Variants in POU2AF2 observed in about 807,000 individuals in gnomAD.
The protein encoded by POU2AF2 is POU domain class 2-associating factor 2.
the POU2AF2 span, among the ~76,000 whole-genome samples, chr11:111,269,996 T>C: frequency 2.0e-5 from 3 of 152,230 alleles, no homozygotes; most frequent in East Asian, 1.9e-4. Context: ...TGACCTAAAG[T>C]CTATTTATTA....
the POU2AF2 span, chr11:111,286,027 G>A: frequency 5.0e-6 from 8 of 1,613,500 alleles, no homozygotes; most frequent in African/African-American, 1.3e-5. Flanking sequence ...TTGCCTGGGG[G>A]TCATATGAAT....
chr11:111,278,150 A>T, the POU2AF2 span, among the ~76,000 whole-genome samples: 73 of 152,326 alleles, frequency 4.8e-4, no homozygotes, highest in Non-Finnish European at 8.4e-4. Context: ...TAGTAATAAT[A>T]GCTAAGGCAC....
the POU2AF2 span, among the ~76,000 whole-genome samples, chr11:111,258,920 G>A: frequency 1.3e-5 from 2 of 152,222 alleles, no homozygotes; most frequent in Non-Finnish European, 2.9e-5. Context: ...TTGACCCAGT[G>A]ACAGTGGGTC....
chr11:111,264,552 GAAAGAAAGAAA>G, the POU2AF2 span, among the ~76,000 whole-genome samples: 1 of 64,608 alleles, frequency 1.5e-5, no homozygotes, highest in Non-Finnish European at 3.1e-5. Context: ...AAGAAAGAAA[GAAAGAAAGAAA>G]GAAAGAAAGA....
chr11:111,285,992 C>T, the POU2AF2 span: 1 of 1,614,018 alleles, frequency 6.2e-7, no homozygotes, highest in Non-Finnish European at 8.5e-7. Flanking sequence ...TGACCCTTCC[C>T]CTTGGGTGAA....
the POU2AF2 span, among the ~76,000 whole-genome samples, chr11:111,246,263 A>G: frequency 1.3e-5 from 2 of 152,266 alleles, no homozygotes; most frequent in Non-Finnish European, 2.9e-5. Flanking sequence ...ATTCACATTC[A>G]TATAGAACCT....
At chr11:111,268,915 T>C in the POU2AF2 span, among the ~76,000 whole-genome samples, 1 of 152,132 alleles carries the variant, frequency 6.6e-6, no homozygotes, top group South Asian at 2.1e-4. Context: ...TTCTTAAATT[T>C]TTAGAAATCC....
chr11:111,256,649 C>A, the POU2AF2 span, among the ~76,000 whole-genome samples: 1 of 152,208 alleles, frequency 6.6e-6, no homozygotes. Flanking sequence ...GGGGTCCCTT[C>A]CAGCTGTAAA....
chr11:111,278,596 T>TG, the POU2AF2 span, among the ~76,000 whole-genome samples: 5 of 151,966 alleles, frequency 3.3e-5, no homozygotes, highest in African/African-American at 1.2e-4. Context: ...CTCAGCCATG[T>TG]GAACACACAG....
chr11:111,248,494 A>C, the POU2AF2 span, among the ~76,000 whole-genome samples: 1 of 152,200 alleles, frequency 6.6e-6, no homozygotes, highest in Admixed American at 6.5e-5. Flanking sequence ...TCTGGATTTT[A>C]ATTCTACTCT....
the POU2AF2 span, among the ~76,000 whole-genome samples, chr11:111,266,193 G>A: frequency 6.6e-6 from 1 of 152,164 alleles, no homozygotes; most frequent in Non-Finnish European, 1.5e-5. Flanking sequence ...AACAAGTGAT[G>A]TGACTTTCTG....
At chr11:111,262,930 T>TA in the POU2AF2 span, among the ~76,000 whole-genome samples, 1 of 152,258 alleles carries the variant, frequency 6.6e-6, no homozygotes, top group African/African-American at 2.4e-5. Context: ...ACTGTACAAG[T>TA]ACAGACCAAA....
chr11:111,254,886 A>G, the POU2AF2 span, among the ~76,000 whole-genome samples: 7 of 152,222 alleles, frequency 4.6e-5, no homozygotes, highest in African/African-American at 1.7e-4. Flanking sequence ...CATGTATTTA[A>G]TTTTAATTAA....
chr11:111,285,721 G>A, the POU2AF2 span: 1 of 1,613,762 alleles, frequency 6.2e-7, no homozygotes, highest in Non-Finnish European at 8.5e-7. Context: ...CCGATGCCCT[G>A]CTGACCTTGC....
the POU2AF2 span, among the ~76,000 whole-genome samples, chr11:111,276,446 AAAAAAAAATATATATATATATAT>A: frequency 5.7e-5 from 2 of 35,096 alleles, no homozygotes; most frequent in African/African-American, 1.4e-4. Flanking sequence ...AAAGAAAAAA[AAAAAAAAATATATATATATATAT>A]ATATATATAT....
chr11:111,280,049 A>ATATAT, the POU2AF2 span, among the ~76,000 whole-genome samples: 3 of 65,168 alleles, frequency 4.6e-5, no homozygotes, highest in South Asian at 1.4e-3. Context: ...TCAAAAAAAA[A>ATATAT]AAAAAAAAAT....
chr11:111,267,900 C>A, the POU2AF2 span, among the ~76,000 whole-genome samples: 1 of 152,108 alleles, frequency 6.6e-6, no homozygotes, highest in Non-Finnish European at 1.5e-5. Flanking sequence ...CTACCAATGC[C>A]CTCATTTCCT....
the POU2AF2 span, among the ~76,000 whole-genome samples, chr11:111,258,597 T>C: frequency 6.6e-6 from 1 of 152,248 alleles, no homozygotes; most frequent in East Asian, 1.9e-4. Context: ...ACGGATTTTG[T>C]TTCTTTTCTT....
At chr11:111,264,578 G>A in the POU2AF2 span, among the ~76,000 whole-genome samples, 100 of 29,746 alleles carry the variant, frequency 3.4e-3, 8 homozygotes, top group Admixed American at 0.011. Flanking sequence ...GAAAGAAAGG[G>A]AGAGAGAAAG....
Sources: allele counts gnomAD v4.1 joint callset (sites outside exome capture counted in the v4.1 genomes callset), GRCh38; gene constraint gnomAD v4.1.1; transcripts MANE v1.5; gene names NCBI Gene and HGNC (gene_info 2026-07-23, HGNC 2026-07-21).